Variants in PPA2 observed in about 807,000 individuals in gnomAD.
PPA2 encodes inorganic pyrophosphatase 2, mitochondrial.
In PPA2, 48 loss-of-function variants were observed where a neutral mutation model predicts 49.5. The observed-to-expected ratio is 0.97, with a 90% CI of 0.77 to 1.23. The LOEUF is 1.23. Ranked by LOEUF, PPA2 falls within the 50% of genes most tolerant of loss-of-function variation. The pLI is 0.00. For synonymous variants in PPA2, 131 were observed against 139.9 expected, an observed-to-expected ratio of 0.94 and a Z score of 0.45; for missense variants, 429 against 410.1, an observed-to-expected ratio of 1.05 and a Z score of -0.40.
chr4:105,455,607 T>C (rs1722845886), intron 2 of PPA2, among the ~76,000 whole-genome samples: 1 of 152,218 alleles, frequency 6.6e-6, no homozygotes, highest in Non-Finnish European at 1.5e-5. Flanking sequence ...AACACAGTGC[T>C]GGCTAAGTAC....
chr4:105,396,951 T>C (rs1392005008), intron 8 of PPA2, among the ~76,000 whole-genome samples: 1 of 152,190 alleles, frequency 6.6e-6, no homozygotes, highest in East Asian at 1.9e-4. Context: ...GACTATCCAC[T>C]GTCTGAAAGC....
intron 6 of PPA2, among the ~76,000 whole-genome samples, chr4:105,433,061 C>T (rs1723884911): frequency 6.6e-6 from 1 of 152,162 alleles, no homozygotes; most frequent in Non-Finnish European, 1.5e-5. Context: ...TAGTACTTTA[C>T]TATAAGCATC....
intron 7 of PPA2, chr4:105,405,721 A>C (rs924199833): frequency 1.3e-6 from 1 of 747,442 alleles, no homozygotes; most frequent in Non-Finnish European, 1.8e-6. Context: ...ACCTACCTAA[A>C]ATAGATACCT....
In PPA2 at chr4:105,449,419, A is replaced by C. The variant is rs747343286; in HGVS notation, c.268-16T>G. ...TAAACAGATTCTGCAGTTAAAAACAAAACAAAGAGAGAACATTAAAAATTT... is the reference window on the plus strand; with the variant it reads ...TAAACAGATTCTGCAGTTAAAAACACAACAAAGAGAGAACATTAAAAATTT... On this transcript the variant is annotated splice_polypyrimidine_tract_variant and intron_variant, in intron 3 of 11. Transcript: ENST00000341695. The C allele has an allele frequency of 6.6e-7, 1 of 1,515,450 alleles. No homozygotes were observed. The highest frequency in any genetic ancestry group is 9.0e-7 in the Non-Finnish European group (1 of 1,108,084). The allele number at this position is 1,515,450 out of a possible 1,614,324, so 93.9% of individuals were successfully genotyped here. A position where few individuals can be genotyped will look rare whatever the true frequency, so the allele number is the denominator to read the frequency against.
At chr4:105,424,454 G>T (rs1723398622) in intron 6 of PPA2, 132 bp from the exon 7 acceptor site, 1 of 838,366 alleles carries the variant, frequency 1.2e-6, no homozygotes, top group Non-Finnish European at 1.7e-6. Flanking sequence ...AAAATAATAT[G>T]AAAATAGCCA....
chr4:105,446,644 T>A, intron 4 of PPA2, 142 bp from the exon 5 acceptor site: 1 of 1,039,976 alleles, frequency 9.6e-7, no homozygotes, highest in Admixed American at 3.3e-5. Flanking sequence ...TTAAAAGAAA[T>A]TAAGCCAGCT....
chr4:105,466,792 C>T (rs1723321365), intron 1 of PPA2, among the ~76,000 whole-genome samples: 1 of 152,300 alleles, frequency 6.6e-6, no homozygotes, highest in East Asian at 1.9e-4. Flanking sequence ...TTGGGGCAGG[C>T]TGTCTGCACA....
At chr4:105,426,266 G>A (rs774489458) in intron 6 of PPA2, among the ~76,000 whole-genome samples, 1 of 152,196 alleles carries the variant, frequency 6.6e-6, no homozygotes, top group Non-Finnish European at 1.5e-5. Context: ...CAGTGAGATC[G>A]ATGCAGAAGA....
chr4:105,456,493 C>T, intron 2 of PPA2, 188 bp downstream of exon 2: 1 of 544,658 alleles, frequency 1.8e-6, no homozygotes, highest in South Asian at 2.1e-5. Flanking sequence ...CTCCCAATTC[C>T]TCATGGAAGA....
intron 7 of PPA2, among the ~76,000 whole-genome samples, chr4:105,400,206 A>G (rs1323099499): frequency 1.3e-5 from 2 of 152,210 alleles, no homozygotes; most frequent in Non-Finnish European, 2.9e-5. Flanking sequence ...CTGTTTTGTT[A>G]TAACAAAACA....
rs1000291801 is a variant in PPA2, at chr4:105,422,103, T to C, written c.655+2093A>G. On this transcript the variant is annotated intron_variant, in intron 7 of 11. Coordinates refer to ENST00000341695, the MANE Select transcript of PPA2 (RefSeq NM_176869.3). Reference sequence around the variant, plus strand: ...TATAGGAGAAGAGTACTTTAAGTACTAACTAATGAGAACAATATACAAATA... The same window carrying C: ...TATAGGAGAAGAGTACTTTAAGTACCAACTAATGAGAACAATATACAAATA... Among the ~76,000 whole-genome samples, 4 of 152,322 alleles carry C rather than the reference T, an allele frequency of 2.6e-5. No homozygotes were observed. The South Asian group carries it at 8.3e-4, about 32-fold the overall frequency.
intron 7 of PPA2, among the ~76,000 whole-genome samples, chr4:105,418,150 T>C (rs1307748391): frequency 1.3e-5 from 2 of 152,252 alleles, no homozygotes; most frequent in Non-Finnish European, 2.9e-5. Flanking sequence ...GATGCTGATA[T>C]GCAAGCCCCT....
In PPA2 at chr4:105,425,895, G is replaced by T. The variant is rs575205573; in HGVS notation, c.529-1573C>A. Among the ~76,000 whole-genome samples the T allele has an allele frequency of 3.3e-5, 5 of 152,174 alleles. No individual in the cohort carries two copies. The South Asian group carries it at 1.0e-3, about 32-fold the overall frequency. ...GGAAAAAAAGATTACATAAGGGTAC[G>T]ATGATAAGAATGACAGCTGATTTCT... On this transcript the variant is annotated intron_variant, in intron 6 of 11. Coordinates refer to ENST00000341695, the MANE Select transcript of PPA2 (RefSeq NM_176869.3).
At chr4:105,415,311 C>A (rs951624556) in intron 7 of PPA2, among the ~76,000 whole-genome samples, 2 of 152,234 alleles carry the variant, frequency 1.3e-5, no homozygotes, top group South Asian at 4.1e-4. Context: ...CCAAGCGGCA[C>A]CTACAGGCCT....
At chr4:105,415,356 C>G (rs941711097) in intron 7 of PPA2, among the ~76,000 whole-genome samples, 1 of 152,248 alleles carries the variant, frequency 6.6e-6, no homozygotes, top group African/African-American at 2.4e-5. Context: ...TTTGGCCTCC[C>G]TCCCATGCTC....
chr4:105,429,998 G>A (rs907294024), intron 6 of PPA2, among the ~76,000 whole-genome samples: 2 of 152,170 alleles, frequency 1.3e-5, no homozygotes, highest in African/African-American at 2.4e-5. Context: ...AGCTGCCAAC[G>A]TCAAGTTTAT....
At chr4:105,463,005 G>A (rs182077756) in intron 1 of PPA2, among the ~76,000 whole-genome samples, 1 of 152,302 alleles carries the variant, frequency 6.6e-6, no homozygotes, top group African/African-American at 2.4e-5. Flanking sequence ...ACAGTAAATT[G>A]GTACCAGTAG....
rs1722428294 is a variant in PPA2, at chr4:105,405,562, G to GA, written c.656-6399dup. The GA allele has an allele frequency of 5.3e-6, 5 of 948,156 alleles. No individual in the cohort carries two copies. In the South Asian group the frequency reaches 1.9e-4, roughly 36 times the overall value. 58.7% of individuals were successfully genotyped at this position (948,156 alleles called of 1,614,324 possible). A position where few individuals can be genotyped will look rare whatever the true frequency, so the allele number is the denominator to read the frequency against. ...ACTTATAAATATTTATTTCTGAAAT[G>GA]AGGTTTTCACTGAGTTCAAGCATAT... On this transcript the variant is annotated intron_variant, in intron 7 of 11. Coordinates refer to ENST00000341695, the MANE Select transcript of PPA2 (RefSeq NM_176869.3).
intron 5 of PPA2, among the ~76,000 whole-genome samples, chr4:105,438,303 G>A (rs988397421): frequency 6.6e-6 from 1 of 152,174 alleles, no homozygotes; most frequent in Non-Finnish European, 1.5e-5. Context: ...CATCTTCCAA[G>A]TTCAGTCAGG....
Sources: gnomAD v4.1 joint callset for allele counts (sites outside exome capture counted in the v4.1 genomes callset) on GRCh38, gnomAD v4.1.1 for gene constraint, MANE v1.5 for transcripts, NCBI Gene and HGNC (gene_info 2026-07-23, HGNC 2026-07-21) for gene names.